ADAMTS16: variants seen among roughly 807,000 people sequenced by gnomAD.
ADAMTS16 encodes ADAM metallopeptidase with thrombospondin type 1 motif 16.
Under a neutral mutation model 145.8 loss-of-function variants are expected in ADAMTS16, and 94 were observed. The ratio of observed to expected loss-of-function variants is 0.64; its 90% CI spans 0.55 to 0.77. The LOEUF (loss-of-function observed/expected upper bound fraction) is 0.77. Among genes scored for constraint, ADAMTS16 ranks in the 30% least tolerant of loss-of-function variants. The pLI is 0.00. For synonymous variants in ADAMTS16, 659 were observed against 604.3 expected, an observed-to-expected ratio of 1.09 and a Z score of -1.33; for missense variants, 1,585 against 1,591.5, an observed-to-expected ratio of 1.00 and a Z score of 0.07.
At position 5,172,909 on chromosome 5, in the gene ADAMTS16, T is replaced by C. The variant is rs189689592; in HGVS notation, c.502-9135T>C. Among the ~76,000 whole-genome samples the C allele has an allele frequency of 2.3e-4, 35 of 152,306 alleles. 1 individual carries two copies. The highest frequency in any genetic ancestry group is 7.2e-4 in the African/African-American group (30 of 41,572). Reference sequence around the variant, plus strand: ...TTTTTATATCTGGGTGCTGCAATATTGAGTGCATATATATTTACAATTGTT... The same window carrying C: ...TTTTTATATCTGGGTGCTGCAATATCGAGTGCATATATATTTACAATTGTT... On this transcript the variant is annotated intron_variant, in intron 3 of 22. Coordinates refer to ENST00000274181, the MANE Select transcript of ADAMTS16 (RefSeq NM_139056.4).
chr5:5,155,371 CTG>C (rs1052199624), intron 3 of ADAMTS16, among the ~76,000 whole-genome samples: 18 of 152,312 alleles, frequency 1.2e-4, no homozygotes, highest in African/African-American at 4.3e-4. Flanking sequence ...TTATTATTAA[CTG>C]TATCAATCAC....
At chr5:5,167,661 C>T (rs923636733) in intron 3 of ADAMTS16, among the ~76,000 whole-genome samples, 3 of 152,176 alleles carry the variant, frequency 2.0e-5, no homozygotes, top group Admixed American at 6.5e-5. Flanking sequence ...ACAGAAATAT[C>T]GTAGCCACTT....
chr5:5,188,081 G>A (rs1735559589), intron 6 of ADAMTS16, among the ~76,000 whole-genome samples: 1 of 152,108 alleles, frequency 6.6e-6, no homozygotes, highest in Non-Finnish European at 1.5e-5. Flanking sequence ...CAGCATATAG[G>A]TGGGACACAC....
At chr5:5,179,803 C>A (rs1056213677) in intron 3 of ADAMTS16, among the ~76,000 whole-genome samples, 1 of 152,152 alleles carries the variant, frequency 6.6e-6, no homozygotes, top group African/African-American at 2.4e-5. Flanking sequence ...GTCTACCCCC[C>A]ATGGTGGTGC....
intron 10 of ADAMTS16, among the ~76,000 whole-genome samples, chr5:5,218,849 T>G (rs1249447997): frequency 6.6e-6 from 1 of 152,134 alleles, no homozygotes; most frequent in African/African-American, 2.4e-5. Context: ...ATCCCTCCTC[T>G]CTTCCTCTGC....
chr5:5,200,093 G>C (rs765796735), intron 8 of ADAMTS16, 39 bp from the exon 9 acceptor site: 3 of 1,535,758 alleles, frequency 2.0e-6, no homozygotes, highest in Non-Finnish European at 2.6e-6. Flanking sequence ...AACTGTTTTT[G>C]TTCTGAAAGA....
At chr5:5,296,133 C>T (rs544088551) in intron 18 of ADAMTS16, among the ~76,000 whole-genome samples, 3 of 152,278 alleles carry the variant, frequency 2.0e-5, no homozygotes, top group African/African-American at 4.8e-5. Flanking sequence ...ATCCCAGCTC[C>T]GAAACCCCTT....
At chr5:5,148,264 G>A (rs1247224999) in intron 3 of ADAMTS16, among the ~76,000 whole-genome samples, 1 of 152,174 alleles carries the variant, frequency 6.6e-6, no homozygotes, top group Non-Finnish European at 1.5e-5. Flanking sequence ...TTAAGAGTGT[G>A]AGGCTTAGTG....
intron 3 of ADAMTS16, among the ~76,000 whole-genome samples, chr5:5,162,058 C>A (rs574907559): frequency 6.6e-6 from 1 of 152,308 alleles, no homozygotes; most frequent in Non-Finnish European, 1.5e-5. Flanking sequence ...TGTTATGGAG[C>A]AAGCCTATGG....
rs188542990 is a variant in ADAMTS16, at chr5:5,224,525, G to A, written c.1701+1641G>A. On this transcript the variant is annotated intron_variant, in intron 11 of 22. Transcript: ENST00000274181. ...GGCTGGTCTCAAACCCCTTGACCTC[G>A]TGATCCACCTGCCTGAGCCTCCCAA... Among the ~76,000 whole-genome samples the A allele has an allele frequency of 5.9e-5, 9 of 152,268 alleles. No homozygotes were observed. In the South Asian group the frequency reaches 1.0e-3, roughly 18 times the overall value.
intron 17 of ADAMTS16, among the ~76,000 whole-genome samples, chr5:5,246,729 T>C (rs1195063821): frequency 1.3e-5 from 2 of 152,312 alleles, no homozygotes; most frequent in East Asian, 3.9e-4. Context: ...GTATTGTACA[T>C]TTGTGCATCT....
chr5:5,250,736 T>TGTGTGTGCGCGC (rs764397980), intron 17 of ADAMTS16, among the ~76,000 whole-genome samples: 7 of 141,924 alleles, frequency 4.9e-5, no homozygotes, highest in East Asian at 2.0e-4. Flanking sequence ...TGTGTGTGTG[T>TGTGTGTGCGCGC]GCGCGCACTC....
chr5:5,316,516 C>T (rs1454744787), intron 21 of ADAMTS16, among the ~76,000 whole-genome samples: 10 of 152,170 alleles, frequency 6.6e-5, no homozygotes, highest in Admixed American at 2.0e-4. Context: ...GTATCTTTAG[C>T]TGCCTAACCA....
intron 3 of ADAMTS16, among the ~76,000 whole-genome samples, chr5:5,161,586 G>T (rs1051064457): frequency 6.6e-6 from 1 of 152,188 alleles, no homozygotes; most frequent in Admixed American, 6.6e-5. Context: ...ACCATGTGTG[G>T]TTGGATGCTG....
intron 3 of ADAMTS16, among the ~76,000 whole-genome samples, chr5:5,147,515 A>T (rs967769900): frequency 1.6e-4 from 24 of 152,288 alleles, no homozygotes; most frequent in Middle Eastern, 3.4e-3. Context: ...CTGTAAAAAA[A>T]TTTTTTTAGA....
chr5:5,199,520 C>G lies in ADAMTS16; in HGVS notation c.1314-612C>G, dbSNP rs565564157. On this transcript the variant is annotated intron_variant, in intron 8 of 22. Coordinates refer to ENST00000274181, the MANE Select transcript of ADAMTS16 (RefSeq NM_139056.4). Reference sequence around the variant, plus strand: ...TAGACAGACAGATTCAGGTCAAGCACAGCCCGCCCATCACAGCCTCCAGCA... The same window carrying G: ...TAGACAGACAGATTCAGGTCAAGCAGAGCCCGCCCATCACAGCCTCCAGCA... 2.0e-5 allele frequency among the ~76,000 whole-genome samples: 3 copies of G among 152,330 alleles called. No individual in the cohort carries two copies. The South Asian group carries it at 6.2e-4, about 32-fold the overall frequency.
chr5:5,303,497 G>T, intron 19 of ADAMTS16, 28 bp downstream of exon 19: 1 of 1,607,790 alleles, frequency 6.2e-7, no homozygotes. Context: ...GGCATGGGTG[G>T]CAGCAGGGCC....
At chr5:5,258,923 G>T (rs1286507015) in intron 17 of ADAMTS16, among the ~76,000 whole-genome samples, 1 of 152,044 alleles carries the variant, frequency 6.6e-6, no homozygotes, top group Non-Finnish European at 1.5e-5. Context: ...ATTTTTAAAA[G>T]GACATTCATT....
intron 17 of ADAMTS16, among the ~76,000 whole-genome samples, chr5:5,256,698 T>A (rs754317898): frequency 5.9e-5 from 9 of 152,208 alleles, no homozygotes; most frequent in Admixed American, 1.3e-4. Flanking sequence ...TAAGAGACCG[T>A]ACCTTGTGCA....
Sources: allele counts gnomAD v4.1 joint callset (sites outside exome capture counted in the v4.1 genomes callset), GRCh38; gene constraint gnomAD v4.1.1; transcripts MANE v1.5; gene names NCBI Gene and HGNC (gene_info 2026-07-23, HGNC 2026-07-21).